The following ZFHX4 variants were observed in gnomAD, a reference collection of about 807,000 sequenced individuals.
The protein encoded by ZFHX4 is zinc finger homeobox protein 4.
Under a neutral mutation model 267.6 loss-of-function variants are expected in ZFHX4, and 56 were observed. The observed-to-expected ratio is 0.21, with a 90% confidence interval of 0.17 to 0.26. The LOEUF (loss-of-function observed/expected upper bound fraction) is 0.26, where lower values mean the gene tolerates loss of function less well. Among genes scored for constraint, ZFHX4 ranks in the 10% least tolerant of loss-of-function variants. ZFHX4 has a pLI of 1.00. For missense variants in ZFHX4, 4,332 were observed against 4,420.0 expected, an observed-to-expected ratio of 0.98 and a Z score of 0.56; for synonymous variants, 1,778 against 1,665.6, an observed-to-expected ratio of 1.07 and a Z score of -1.64.
chr8:76,777,415 G>T (rs1810427551), intron 3 of ZFHX4, among the ~76,000 whole-genome samples: 1 of 151,964 alleles, frequency 6.6e-6, no homozygotes, highest in Non-Finnish European at 1.5e-5. Context: ...TGGTAAAAAA[G>T]AAAAAGCTTC....
In ZFHX4 at chr8:76,853,062, ACCT is replaced by A. The variant is rs750748601; in HGVS notation, c.6162_6164del (p.Pro2061del). On this transcript the variant is annotated inframe_deletion, in exon 10 of 11. Transcript: ENST00000651372. ...CACCCACTCCTCCCCCACCACCACC[ACCT>A]CCTCCTCCTCCTCCTCCTCCCCCCC... 0.25 allele frequency: 102,881 copies of A among 404,000 alleles called. 9,500 individuals are homozygous for A. Among genetic ancestry groups the A allele is most frequent in the African/African-American group, 0.57 (16,418 of 28,694 alleles). The allele number at this position is 404,000 out of a possible 1,614,324, so 25.0% of individuals were successfully genotyped here.
At chr8:76,720,327 T>C (rs1304694934) in intron 3 of ZFHX4, among the ~76,000 whole-genome samples, 1 of 152,202 alleles carries the variant, frequency 6.6e-6, no homozygotes, top group African/African-American at 2.4e-5. Flanking sequence ...GGTTCATCTG[T>C]GCAGTAGCAT....
At chr8:76,730,981 T>G (rs536261107) in intron 3 of ZFHX4, among the ~76,000 whole-genome samples, 5 of 152,252 alleles carry the variant, frequency 3.3e-5, no homozygotes, top group African/African-American at 1.2e-4. Context: ...TCAGGTGTCT[T>G]TCCCAGGATC....
At chr8:76,827,008 T>C (rs940353178) in intron 4 of ZFHX4, among the ~76,000 whole-genome samples, 1 of 152,222 alleles carries the variant, frequency 6.6e-6, no homozygotes, top group Non-Finnish European at 1.5e-5. Flanking sequence ...ATGAGCAACC[T>C]AGCAAAGCCA....
intron 10 of ZFHX4, among the ~76,000 whole-genome samples, chr8:76,859,850 T>G (rs1485103075): frequency 6.6e-6 from 1 of 152,110 alleles, no homozygotes; most frequent in Non-Finnish European, 1.5e-5. Flanking sequence ...GAACTACATA[T>G]GAGTGCGTTA....
chr8:76,716,851 T>G (rs1808588854), intron 3 of ZFHX4, among the ~76,000 whole-genome samples: 1 of 152,170 alleles, frequency 6.6e-6, no homozygotes, highest in Non-Finnish European at 1.5e-5. Flanking sequence ...GTTTGGGTAT[T>G]TGGTATATTA....
intron 1 of ZFHX4, among the ~76,000 whole-genome samples, chr8:76,695,710 C>CT (rs1807938642): frequency 6.6e-6 from 1 of 152,144 alleles, no homozygotes; most frequent in Non-Finnish European, 1.5e-5. Context: ...ACAATCTTTT[C>CT]TTGTTTAATT....
rs761381958 is a variant in ZFHX4 at position 76,704,225 on chromosome 8, C to T, written c.137C>T (p.Ser46Phe). The change falls in exon 2 of 11, where the codon TCC becomes TTC. Residue 46 changes from serine (S) to phenylalanine (F), a missense_variant. Coordinates refer to ENST00000651372, the MANE Select transcript of ZFHX4 (RefSeq NM_024721.5). ...AGMEPDRENS[S>F]TDDNLKTDER... Reference sequence around the variant, plus strand: ...ATGGAGCCTGACAGGGAAAACAGCTCCACAGATGACAACCTGAAAACGGAT... The same window carrying T: ...ATGGAGCCTGACAGGGAAAACAGCTTCACAGATGACAACCTGAAAACGGAT... 1.9e-6 allele frequency: 3 copies of T among 1,613,994 alleles called. No homozygotes were observed. The South Asian group carries it at 3.3e-5, about 18-fold the overall frequency.
chr8:76,730,592 G>A (rs572574636), intron 3 of ZFHX4, among the ~76,000 whole-genome samples: 114 of 152,106 alleles, frequency 7.5e-4, no homozygotes, highest in African/African-American at 2.5e-3. Context: ...CCAGATACTC[G>A]GGAGGCTGAG....
chr8:76,794,983 A>G (rs1384590537), intron 4 of ZFHX4, among the ~76,000 whole-genome samples: 1 of 151,788 alleles, frequency 6.6e-6, no homozygotes, highest in Non-Finnish European at 1.5e-5. Context: ...TCTCTGGGCC[A>G]GCTGTCAGCC....
At chr8:76,696,279 G>A (rs893385382) in intron 1 of ZFHX4, among the ~76,000 whole-genome samples, 1 of 151,946 alleles carries the variant, frequency 6.6e-6, no homozygotes, top group African/African-American at 2.4e-5. Flanking sequence ...TCTTCAACAT[G>A]GTTCCTCTGA....
chr8:76,839,494 T>G (rs1277602641), intron 5 of ZFHX4, among the ~76,000 whole-genome samples: 1 of 152,202 alleles, frequency 6.6e-6, no homozygotes, highest in Non-Finnish European at 1.5e-5. Flanking sequence ...AGTATAAACA[T>G]ATCATAAAGA....
In ZFHX4 at chr8:76,704,555, C is replaced by A. The variant is rs568208828; in HGVS notation, c.467C>A (p.Ala156Glu). 90 of 1,613,916 alleles carry A rather than the reference C, an allele frequency of 5.6e-5. No individual in the cohort carries two copies. The Admixed American group carries it at 1.4e-3, about 25-fold the overall frequency. The change falls in exon 2 of 11, where the codon GCA (alanine) becomes GAA (glutamate). Residue 156 changes from alanine (A) to glutamate (E), a missense_variant. Physicochemically the swap from Ala to Glu is moderately radical, Grantham distance 107. This residue lies in a region of ZFHX4 where 1,195 missense variants were observed against 1,173.6 expected (regional missense o/e 1.02). Coordinates refer to ENST00000651372, the MANE Select transcript of ZFHX4 (RefSeq NM_024721.5). The stretch of plus-strand genomic sequence containing the variant: ...AGTGGGCAGAATGCACAGACTGGGG[C>A]AAATAGCAAACTCTTTTCTACAGCG... Reference protein sequence around the residue: ...KESGQNAQTGANSKLFSTAMF... With the variant: ...KESGQNAQTGENSKLFSTAMF...
At position 76,705,943 on chromosome 8, in the gene ZFHX4, G is replaced by A. The variant is rs1487754065; in HGVS notation, c.1855G>A (p.Asp619Asn). The change falls in exon 2 of 11, where the codon GAC (aspartate) becomes AAC (asparagine). Residue 619 changes from aspartate (D) to asparagine (N), a missense_variant. Physicochemically the swap from Asp to Asn is conservative, Grantham distance 23 (BLOSUM62 1). Coordinates refer to ENST00000651372, the MANE Select transcript of ZFHX4 (RefSeq NM_024721.5). The stretch of plus-strand genomic sequence containing the variant: ...CAGTGGCATCGAGTGTCCAAAGTGC[G>A]ACACTGTGTTGGGGTCTTCGAGGTC... ...PGSGIECPKCDTVLGSSRSLG... is the reference protein window; with the variant it reads ...PGSGIECPKCNTVLGSSRSLG... 1.9e-6 allele frequency: 3 copies of A among 1,613,494 alleles called. No individual in the cohort carries two copies. Among genetic ancestry groups the A allele is most frequent in the African/African-American group, 1.3e-5 (1 of 74,792 alleles).
intron 1 of ZFHX4, among the ~76,000 whole-genome samples, chr8:76,699,908 C>T (rs138195689): frequency 1.2e-3 from 181 of 151,694 alleles, no homozygotes; most frequent in Non-Finnish European, 1.9e-3. Flanking sequence ...GTTCTCTGTA[C>T]GTGGCAACAA....
intron 4 of ZFHX4, among the ~76,000 whole-genome samples, chr8:76,824,670 T>C (rs1811739454): frequency 6.6e-6 from 1 of 152,190 alleles, no homozygotes; most frequent in Admixed American, 6.6e-5. Context: ...ACTCCTGGGC[T>C]CAACCAATCC....
Position 76,864,642 on chromosome 8 carries a change from C to G in ZFHX4, c.*77C>G. 1 of 1,146,062 alleles carries G rather than the reference C, an allele frequency of 8.7e-7. No homozygotes were observed. The highest frequency in any genetic ancestry group is 1.2e-6 in the Non-Finnish European group (1 of 842,294). 71.0% of individuals were successfully genotyped at this position (1,146,062 alleles called of 1,614,324 possible). On this transcript the variant is annotated 3_prime_UTR_variant, in exon 11 of 11. Coordinates refer to ENST00000651372, the MANE Select transcript of ZFHX4 (RefSeq NM_024721.5). ...AAAAAATAAGACTTTAACTGCAGTTCCAAAGCTTCTCTAACCCAAAAATTA... is the reference window on the plus strand; with the variant it reads ...AAAAAATAAGACTTTAACTGCAGTTGCAAAGCTTCTCTAACCCAAAAATTA...
intron 4 of ZFHX4, among the ~76,000 whole-genome samples, chr8:76,820,916 G>T (rs574330425): frequency 8.2e-4 from 125 of 152,262 alleles, no homozygotes; most frequent in African/African-American, 2.9e-3. Flanking sequence ...GCTAAAACCA[G>T]ATGACTTTTG....
chr8:76,773,802 A>G (rs374447219), intron 3 of ZFHX4, among the ~76,000 whole-genome samples: 3 of 152,142 alleles, frequency 2.0e-5, no homozygotes, highest in Non-Finnish European at 1.5e-5. Context: ...TTTACTGTGG[A>G]TTAGAAATGG....
Sources: gnomAD v4.1 joint callset for allele counts (sites outside exome capture counted in the v4.1 genomes callset) on GRCh38, gnomAD v4.1.1 for gene constraint, gnomAD v4.1.1 regional missense constraint, MANE v1.5 for transcripts, NCBI Gene and HGNC (gene_info 2026-07-23, HGNC 2026-07-21) for gene names.